Variants in ALDH18A1 observed in about 807,000 individuals in gnomAD.
The protein encoded by ALDH18A1 is delta-1-pyrroline-5-carboxylate synthase.
ALDH18A1 carries 44 observed loss-of-function variants against 88.8 expected under a neutral mutation model. That is an observed-to-expected ratio of 0.50 (90% CI 0.39 to 0.64). The LOEUF is 0.64. Among genes scored for constraint, ALDH18A1 ranks in the 30% least tolerant of loss-of-function variants. The pLI is 0.00. For missense variants in ALDH18A1, 782 were observed against 1,009.5 expected (o/e 0.77, Z 3.05); for synonymous variants, 331 against 372.1 (o/e 0.89, Z 1.27).
At chr10:95,649,351 ATTTTTTTTT>A (rs376825293) in intron 2 of ALDH18A1, among the ~76,000 whole-genome samples, 18 of 131,086 alleles carry the variant, frequency 1.4e-4, no homozygotes, top group Admixed American at 3.2e-4. Flanking sequence ...ATTTTTACAG[ATTTTTTTTT>A]TTTTTTTTTT....
Position 95,631,752 on chromosome 10 carries a change from A to C in ALDH18A1, c.808+1207T>G, listed in dbSNP as rs560922247. 1.4e-4 allele frequency among the ~76,000 whole-genome samples: 21 copies of C among 151,536 alleles called. No homozygotes were observed. The South Asian group carries it at 2.1e-3, about 15-fold the overall frequency. On this transcript the variant is annotated intron_variant, in intron 7 of 17. Coordinates refer to ENST00000371224, the MANE Select transcript of ALDH18A1 (RefSeq NM_002860.4). ...GATAAGGCTCTGCCTCAAAAAAAAA[A>C]AAAAAAAAAAAAACAACTGAATAAC...
chr10:95,645,620 C>A (rs537936822), intron 2 of ALDH18A1, among the ~76,000 whole-genome samples: 1 of 152,252 alleles, frequency 6.6e-6, no homozygotes, highest in East Asian at 1.9e-4. Flanking sequence ...GTCATTTCTG[C>A]CTTTCCTTAA....
intron 2 of ALDH18A1, among the ~76,000 whole-genome samples, chr10:95,645,211 T>C (rs753319315): frequency 4.6e-5 from 7 of 152,200 alleles, no homozygotes; most frequent in Non-Finnish European, 7.3e-5. Flanking sequence ...ACATAGGTTC[T>C]CAGCAGGACT....
chr10:95,628,158 A>T (rs1273369770), intron 8 of ALDH18A1, among the ~76,000 whole-genome samples: 1 of 152,258 alleles, frequency 6.6e-6, no homozygotes, highest in East Asian at 1.9e-4. Flanking sequence ...CACTGTTCAT[A>T]CAATATTAAT....
intron 2 of ALDH18A1, among the ~76,000 whole-genome samples, chr10:95,648,493 G>T (rs1030980536): frequency 6.6e-6 from 1 of 152,080 alleles, no homozygotes; most frequent in African/African-American, 2.4e-5. Context: ...AGCATTGCCA[G>T]ATTACAAAAA....
At chr10:95,627,663 AAAATAC>A (rs2097862365) in intron 8 of ALDH18A1, 77 bp from the exon 9 acceptor site, 1 of 1,552,654 alleles carries the variant, frequency 6.4e-7, no homozygotes, top group Non-Finnish European at 8.9e-7. Context: ...AAAAAGATAT[AAAATAC>A]AAGTTGATAT....
intron 8 of ALDH18A1, among the ~76,000 whole-genome samples, 162 bp from the exon 9 acceptor site, chr10:95,627,748 C>T (rs1184760112): frequency 6.6e-6 from 1 of 152,246 alleles, no homozygotes; most frequent in Non-Finnish European, 1.5e-5. Context: ...TAACAGTTCA[C>T]ACACTTTCCA....
intron 12 of ALDH18A1, 144 bp from the exon 13 acceptor site, chr10:95,616,758 G>T: frequency 9.0e-7 from 1 of 1,106,000 alleles, no homozygotes. Flanking sequence ...TCACAACACT[G>T]CAGTGAATTA....
At chr10:95,647,899 C>T (rs550168629) in intron 2 of ALDH18A1, among the ~76,000 whole-genome samples, 40 of 152,330 alleles carry the variant, frequency 2.6e-4, no homozygotes, top group African/African-American at 8.2e-4. Context: ...TGGAGGGTGG[C>T]GTGCCCCGGA....
At chr10:95,646,959 A>C (rs778750164) in intron 2 of ALDH18A1, among the ~76,000 whole-genome samples, 1 of 152,206 alleles carries the variant, frequency 6.6e-6, no homozygotes, top group Non-Finnish European at 1.5e-5. Flanking sequence ...CCAGGCCTCA[A>C]CAAGAAGGGA....
In ALDH18A1 at chr10:95,613,731, G is replaced by A. The variant is rs780741130; in HGVS notation, c.1923+11C>T. The stretch of plus-strand genomic sequence containing the variant: ...ACAGGAAGTAATGTACTAGTCCTAT[G>A]GAACTCTTACCTGTTCCACTCTCAG... On this transcript the variant is annotated intron_variant, in intron 15 of 17. Coordinates refer to ENST00000371224, the MANE Select transcript of ALDH18A1 (RefSeq NM_002860.4). 1 of 1,614,042 alleles carries A rather than the reference G, an allele frequency of 6.2e-7. No individual in the cohort carries two copies. Among genetic ancestry groups the A allele is most frequent in the Non-Finnish European group, 8.5e-7 (1 of 1,179,974 alleles).
At chr10:95,619,353 G>T (rs2097848635) in intron 12 of ALDH18A1, among the ~76,000 whole-genome samples, 1 of 152,082 alleles carries the variant, frequency 6.6e-6, no homozygotes, top group South Asian at 2.1e-4. Flanking sequence ...CATGAAAATG[G>T]CCATACTGCC....
At chr10:95,642,079 A>T (rs1304581982) in intron 3 of ALDH18A1, among the ~76,000 whole-genome samples, 1 of 152,208 alleles carries the variant, frequency 6.6e-6, no homozygotes, top group African/African-American at 2.4e-5. Flanking sequence ...CTTGTTTTTT[A>T]AAAACTGAAA....
intron 17 of ALDH18A1, 30 bp from the exon 18 acceptor site, chr10:95,606,973 C>T (rs2097823968): frequency 1.9e-6 from 3 of 1,610,644 alleles, no homozygotes; most frequent in African/African-American, 2.7e-5. Flanking sequence ...AAAGATGTAG[C>T]TTTTCCCAGC....
In ALDH18A1 at chr10:95,628,495, A is replaced by C. The variant is rs755947818; in HGVS notation, c.809-3T>G. ...ACCTGGGGGGCTGTCAAAAAGGCCTAAAAAATAGACAAGAGTCAGTAATAC... is the reference window on the plus strand; with the variant it reads ...ACCTGGGGGGCTGTCAAAAAGGCCTCAAAAATAGACAAGAGTCAGTAATAC... On this transcript the variant is annotated splice_region_variant and splice_polypyrimidine_tract_variant and intron_variant, in intron 7 of 17. Coordinates refer to ENST00000371224, the MANE Select transcript of ALDH18A1 (RefSeq NM_002860.4). The C allele has an allele frequency of 9.9e-6, 16 of 1,612,670 alleles. No individual in the cohort carries two copies. The highest frequency in any genetic ancestry group is 1.1e-5 in the South Asian group (1 of 91,088).
chr10:95,637,001 C>T, intron 5 of ALDH18A1, 92 bp downstream of exon 5: 1 of 1,160,772 alleles, frequency 8.6e-7, no homozygotes, highest in Non-Finnish European at 1.3e-6. Flanking sequence ...ATGAAGCTGA[C>T]ACCATATTCC....
At chr10:95,648,778 C>A (rs186126764) in intron 2 of ALDH18A1, among the ~76,000 whole-genome samples, 1 of 152,164 alleles carries the variant, frequency 6.6e-6, no homozygotes, top group Non-Finnish European at 1.5e-5. Flanking sequence ...GCCCCTTCAT[C>A]CCCAACAATC....
intron 11 of ALDH18A1, among the ~76,000 whole-genome samples, chr10:95,622,487 C>T (rs1257124942): frequency 6.6e-6 from 1 of 151,302 alleles, no homozygotes; most frequent in Non-Finnish European, 1.5e-5. Flanking sequence ...CTGGTATGAG[C>T]GACCATGCTT....
intron 2 of ALDH18A1, among the ~76,000 whole-genome samples, chr10:95,650,905 G>A (rs373461088): frequency 6.6e-6 from 1 of 152,114 alleles, no homozygotes; most frequent in Non-Finnish European, 1.5e-5. Context: ...AGGCTGAGGT[G>A]GGGGGATCAC....
Sources: gnomAD v4.1 joint callset for allele counts (sites outside exome capture counted in the v4.1 genomes callset) on GRCh38, gnomAD v4.1.1 for gene constraint, MANE v1.5 for transcripts, NCBI Gene and HGNC (gene_info 2026-07-23, HGNC 2026-07-21) for gene names.